ODAD3: variants seen among roughly 807,000 people sequenced by gnomAD.
ODAD3 encodes outer dynein arm-docking complex subunit 3.
In ODAD3, 57 loss-of-function variants were observed where a neutral mutation model predicts 70.9. The ratio of observed to expected loss-of-function variants is 0.80; its 90% CI spans 0.65 to 1.00. The LOEUF is 1.00. Among genes scored for constraint, ODAD3 ranks in the 50% least tolerant of loss-of-function variants. The pLI is 0.00. For missense variants in ODAD3, 797 were observed against 763.9 expected, an observed-to-expected ratio of 1.04 and a Z score of -0.51; for synonymous variants, 327 against 315.9, an observed-to-expected ratio of 1.04 and a Z score of -0.37.
rs772846086 is a variant in ODAD3 at position 11,430,780 on chromosome 19, C to A, written c.367-4G>T. 6 of 1,613,982 alleles carry A rather than the reference C, an allele frequency of 3.7e-6. No homozygotes were observed. The South Asian group carries it at 4.4e-5, about 12-fold the overall frequency. On this transcript the variant is annotated splice_polypyrimidine_tract_variant and splice_region_variant and intron_variant, in intron 2 of 12. Transcript: ENST00000356392. The stretch of plus-strand genomic sequence containing the variant: ...CCTGGACCACTTTCTCATCTCCCTG[C>A]AAGGAGGGAAGTCCAGTCACCTTTC...
chr19:11,420,845 C>T lies in ODAD3; in HGVS notation c.1778G>A (p.Arg593Gln), dbSNP rs1383876930. ...IESHKKHRRS[R>Q]RS is the part of the protein sequence containing the mutation. Reference sequence around the variant, plus strand: ...GGTGTCAGGACGAGTCTAGGACCTCCGAGAGCGACGGTGCTTCTTGTGACT... The same window carrying T: ...GGTGTCAGGACGAGTCTAGGACCTCTGAGAGCGACGGTGCTTCTTGTGACT... The change falls in exon 13 of 13, where the codon CGG becomes CAG. Residue 593 changes from arginine to glutamine, a missense_variant. Physicochemically the swap from Arg to Gln is conservative, Grantham distance 43. Transcript: ENST00000356392. 1.2e-6 allele frequency: 2 copies of T among 1,613,904 alleles called. No individual in the cohort carries two copies. Among genetic ancestry groups the T allele is most frequent in the Admixed American group, 1.7e-5 (1 of 60,008 alleles).
chr19:11,426,207 G>T lies in ODAD3; in HGVS notation c.900C>A (p.Tyr300Ter). Reference protein sequence around the residue: ...LVRERKKRERYISECKKRAEE... With the variant: ...LVRERKKRER ...CGGCGCGCTTCTTGCACTCACTTATGTAGCGTTCCCGCTTCTTGCGCTCTC... is the reference window on the plus strand; with the variant it reads ...CGGCGCGCTTCTTGCACTCACTTATTTAGCGTTCCCGCTTCTTGCGCTCTC... The change falls in exon 7 of 13, where the codon TAC becomes TAA. Residue 300 changes from tyrosine (Y) to a stop codon, truncating the protein, a stop_gained. Coordinates refer to ENST00000356392, the MANE Select transcript of ODAD3 (RefSeq NM_145045.5). LOFTEE classifies it high-confidence loss of function. The T allele has an allele frequency of 6.2e-7, 1 of 1,613,844 alleles. No individual in the cohort carries two copies. Among genetic ancestry groups the T allele is most frequent in the Non-Finnish European group, 8.5e-7 (1 of 1,179,922 alleles).
In ODAD3 at chr19:11,426,148, C is replaced by T. The variant is rs1013293600; in HGVS notation, c.959G>A (p.Arg320His). 3 of 1,608,298 alleles carry T rather than the reference C, an allele frequency of 1.9e-6. No individual in the cohort carries two copies. The highest frequency in any genetic ancestry group is 1.1e-5 in the South Asian group (1 of 90,762). ...CGCACCCCTGGGTGCGCCCACCTTG[C>T]GCTCCATGCGCTCGTTCTCCAGTTT... Reference protein sequence around the residue: ...EKKLENERMERKTHREHLLLQ... With the variant: ...EKKLENERMEHKTHREHLLLQ... Residue 320 changes from arginine (R) to histidine (H), a missense_variant, in exon 7 of 13, where the codon CGC becomes CAC. Coordinates refer to ENST00000356392, the MANE Select transcript of ODAD3 (RefSeq NM_145045.5).
chr19:11,421,300 CGA>C (rs1969129308), intron 11 of ODAD3, 88 bp from the exon 12 acceptor site: 1 of 1,216,514 alleles, frequency 8.2e-7, no homozygotes, highest in Admixed American at 2.3e-5. Flanking sequence ...TACCCCATTC[CGA>C]GATATGCCCT....
intron 3 of ODAD3, among the ~76,000 whole-genome samples, chr19:11,427,483 CT>C (rs376645668): frequency 0.83 from 89,645 of 108,382 alleles, 36,511 homozygotes; most frequent in South Asian, 0.9. Flanking sequence ...GTTTTCTTTT[CT>C]TTTTTTTTTT....
chr19:11,431,113 C>CTTTT, intron 1 of ODAD3, 93 bp from the exon 2 acceptor site: 19 of 1,255,384 alleles, frequency 1.5e-5, no homozygotes, highest in Admixed American at 7.2e-5. Context: ...CAATCATCAA[C>CTTTT]TTTTTTTTTT....
In ODAD3 at chr19:11,425,649, A is replaced by ATG. The variant is rs1969348923; in HGVS notation, c.963+494_963+495insCA. 9.8e-5 allele frequency among the ~76,000 whole-genome samples: 13 copies of ATG among 132,208 alleles called. 1 individual carries two copies. The highest frequency in any genetic ancestry group is 4.0e-4 in the African/African-American group (11 of 27,268). 86.7% of individuals were successfully genotyped at this position (132,208 alleles called of 152,430 possible). The stretch of plus-strand genomic sequence containing the variant: ...TGCATATATGTATATATATGTATAT[A>ATG]CGTATATATATATATATATATGCAA... On this transcript the variant is annotated intron_variant, in intron 7 of 12. Coordinates refer to ENST00000356392, the MANE Select transcript of ODAD3 (RefSeq NM_145045.5).
intron 1 of ODAD3, 118 bp downstream of exon 1, chr19:11,434,655 G>C (rs963753531): frequency 1.5e-6 from 2 of 1,338,188 alleles, no homozygotes; most frequent in Non-Finnish European, 2.0e-6. Context: ...CTAAGTATGA[G>C]TTTTTGCCCA....
rs1381991521 is a variant in ODAD3 at position 11,424,961 on chromosome 19, G to GTGTATATA, written c.964-940_964-933dup. Among the ~76,000 whole-genome samples the GTGTATATA allele has an allele frequency of 1.8e-4, 23 of 129,378 alleles. 5 individuals are homozygous for GTGTATATA. Among genetic ancestry groups the GTGTATATA allele is most frequent in the African/African-American group, 7.8e-4 (23 of 29,642 alleles). 84.9% of individuals were successfully genotyped at this position (129,378 alleles called of 152,430 possible). The stretch of plus-strand genomic sequence containing the variant: ...TGTATATATGTGTATATGTACATAT[G>GTGTATATA]TGTATATATGTATATATGTGTATAT... On this transcript the variant is annotated intron_variant, in intron 7 of 12. Coordinates refer to ENST00000356392, the MANE Select transcript of ODAD3 (RefSeq NM_145045.5).
At chr19:11,424,982 TATATGTAC>T (rs1479642388) in intron 7 of ODAD3, among the ~76,000 whole-genome samples, 2 of 132,354 alleles carry the variant, frequency 1.5e-5, no homozygotes, top group Non-Finnish European at 3.2e-5. Context: ...TATATATGTG[TATATGTAC>T]ATATGTGTAT....
intron 1 of ODAD3, among the ~76,000 whole-genome samples, chr19:11,431,614 A>T (rs1969505199): frequency 6.6e-6 from 1 of 151,340 alleles, no homozygotes; most frequent in Non-Finnish European, 1.5e-5. Flanking sequence ...AACATGGTGA[A>T]ACCCCATCTC....
At chr19:11,425,265 G>T (rs1227323475) in intron 7 of ODAD3, among the ~76,000 whole-genome samples, 1 of 140,154 alleles carries the variant, frequency 7.1e-6, no homozygotes, top group Non-Finnish European at 1.5e-5. Flanking sequence ...ATGTACATAT[G>T]TGTATATGTG....
rs1046715548 is a variant in ODAD3, at chr19:11,425,158, T to C, written c.963+986A>G. On this transcript the variant is annotated intron_variant, in intron 7 of 12. Coordinates refer to ENST00000356392, the MANE Select transcript of ODAD3 (RefSeq NM_145045.5). Reference sequence around the variant, plus strand: ...ATGTGTATATGTACATATGTATATATACATATGTGTATATGTACATATGTG... The same window carrying C: ...ATGTGTATATGTACATATGTATATACACATATGTGTATATGTACATATGTG... Among the ~76,000 whole-genome samples the C allele has an allele frequency of 4.4e-4, 59 of 134,426 alleles. 13 individuals carry two copies. Among genetic ancestry groups the C allele is most frequent in the African/African-American group, 1.4e-3 (47 of 34,334 alleles). The allele number at this position is 134,426 out of a possible 152,430, so 88.2% of individuals were successfully genotyped here.
At position 11,425,651 on chromosome 19, in the gene ODAD3, G is replaced by GCA. The variant is rs1969349351; in HGVS notation, c.963+492_963+493insTG. ...CATATATGTATATATATGTATATACGTATATATATATATATATATGCAAAA... is the reference window on the plus strand; with the variant it reads ...CATATATGTATATATATGTATATACGCATATATATATATATATATATGCAAAA... On this transcript the variant is annotated intron_variant, in intron 7 of 12. Transcript: ENST00000356392. Among the ~76,000 whole-genome samples, 10 of 123,482 alleles carry GCA rather than the reference G, an allele frequency of 8.1e-5. 1 individual carries two copies. Among genetic ancestry groups the GCA allele is most frequent in the African/African-American group, 4.3e-4 (10 of 23,264 alleles). The allele number at this position is 123,482 out of a possible 152,430, so 81.0% of individuals were successfully genotyped here.
At chr19:11,427,990 C>T (rs1375882443) in intron 3 of ODAD3, among the ~76,000 whole-genome samples, 3 of 151,684 alleles carry the variant, frequency 2.0e-5, no homozygotes, top group African/African-American at 7.3e-5. Flanking sequence ...GTCCCAGCTA[C>T]TCAGGAGGCT....
intron 7 of ODAD3, among the ~76,000 whole-genome samples, chr19:11,425,517 A>G (rs1188583750): frequency 2.1e-5 from 3 of 139,722 alleles, no homozygotes; most frequent in Non-Finnish European, 3.0e-5. Flanking sequence ...GTGTGTATAT[A>G]TGTATATATG....
chr19:11,426,776 C>A lies in ODAD3; in HGVS notation c.621G>T (p.Arg207=), dbSNP rs1299808874. ...NRHTEVAKTM[R]NLENRLEKAQ... is the part of the protein sequence containing the mutation. ...CCTTCTCCAGGCGGTTCTCCAGGTTCCGCATGGTCTGGAGAGCAGCAGGGC... is the reference window on the plus strand; with the variant it reads ...CCTTCTCCAGGCGGTTCTCCAGGTTACGCATGGTCTGGAGAGCAGCAGGGC... The change falls in exon 5 of 13, where the codon CGG becomes CGT. Residue 207 remains arginine (R), a synonymous_variant. Transcript: ENST00000356392. The A allele has an allele frequency of 6.2e-7, 1 of 1,613,874 alleles. No homozygotes were observed. Among genetic ancestry groups the A allele is most frequent in the Non-Finnish European group, 8.5e-7 (1 of 1,179,922 alleles).
At chr19:11,423,071 T>C (rs1969180123) in intron 8 of ODAD3, among the ~76,000 whole-genome samples, 1 of 152,256 alleles carries the variant, frequency 6.6e-6, no homozygotes. Context: ...CGGGGCCCTT[T>C]CTGGCCTATA....
chr19:11,425,693 C>T (rs1023453422), intron 7 of ODAD3, among the ~76,000 whole-genome samples: 1 of 131,854 alleles, frequency 7.6e-6, no homozygotes. Flanking sequence ...TATCAAACAA[C>T]AACTACAACA....
Sources: allele counts gnomAD v4.1 joint callset (sites outside exome capture counted in the v4.1 genomes callset), GRCh38; gene constraint gnomAD v4.1.1; transcripts MANE v1.5; gene names NCBI Gene and HGNC (gene_info 2026-07-23, HGNC 2026-07-21).